The following SRGAP2 variants were observed in gnomAD, a reference collection of about 807,000 sequenced individuals.
SRGAP2 encodes SLIT-ROBO Rho GTPase activating protein 2, also known as SLIT-ROBO Rho GTPase-activating protein 2.
SRGAP2 carries 15 observed loss-of-function variants against 57.2 expected under a neutral mutation model. That is an observed-to-expected ratio of 0.26 (90% CI 0.18 to 0.40). The LOEUF is 0.40. Ranked by LOEUF, SRGAP2 falls within the 10% of genes least tolerant of loss-of-function variation. The pLI, the probability that SRGAP2 is intolerant of heterozygous loss-of-function variation, is 1.00. For synonymous variants in SRGAP2, 249 were observed against 248.0 expected (o/e 1.00, Z -0.04); for missense variants, 520 against 669.6 (o/e 0.78, Z 2.47).
intron 18 of SRGAP2, among the ~76,000 whole-genome samples, chr1:206,449,501 G>A (rs1663086348): frequency 6.7e-6 from 1 of 150,342 alleles, no homozygotes; most frequent in Non-Finnish European, 1.5e-5. Flanking sequence ...AGTTGCCCAG[G>A]CTGGTCCCAA....
At chr1:206,260,540 T>A (rs1669487045) in intron 2 of SRGAP2, among the ~76,000 whole-genome samples, 1 of 152,112 alleles carries the variant, frequency 6.6e-6, no homozygotes, top group African/African-American at 2.4e-5. Flanking sequence ...GATATGAACA[T>A]ATGTTCTTAC....
chr1:206,258,356 A>G (rs1553312891), intron 2 of SRGAP2, among the ~76,000 whole-genome samples: 2 of 152,208 alleles, frequency 1.3e-5, no homozygotes, highest in African/African-American at 4.8e-5. Flanking sequence ...TCTGGCCTTT[A>G]TAGAAAAAGT....
chr1:206,434,454 G>T (rs1661555195), intron 14 of SRGAP2, among the ~76,000 whole-genome samples: 3 of 152,212 alleles, frequency 2.0e-5, no homozygotes, highest in Non-Finnish European at 4.4e-5. Flanking sequence ...TTTCCAAATA[G>T]CTTAGTCCAA....
At chr1:206,275,663 G>A (rs1462083107) in intron 2 of SRGAP2, among the ~76,000 whole-genome samples, 3 of 146,620 alleles carry the variant, frequency 2.0e-5, no homozygotes, top group African/African-American at 7.6e-5. Context: ...TCACCAGGCT[G>A]GAGTGCAGTG....
At chr1:206,241,857 G>T (rs1553309261) in intron 2 of SRGAP2, among the ~76,000 whole-genome samples, 1 of 151,490 alleles carries the variant, frequency 6.6e-6, no homozygotes, top group South Asian at 2.1e-4. Flanking sequence ...GATTTAAAAG[G>T]TGACCCAAAT....
chr1:206,458,685 T>G lies in SRGAP2; in HGVS notation c.2570T>G (p.Leu857Arg), dbSNP rs781854281. ...ACTTTTCGGAGTGACAGCCATGGGCTGAGCAGTTCCCTGACTGACTCCTCC... is the reference window on the plus strand; with the variant it reads ...ACTTTTCGGAGTGACAGCCATGGGCGGAGCAGTTCCCTGACTGACTCCTCC... ...RKTFRSDSHG[L>R]SSSLTDSSSP... Residue 857 changes from leucine to arginine, a missense_variant, in exon 22 of 23, where the codon CTG (leucine) becomes CGG (arginine). By Grantham distance (102) the Leu-to-Arg change is moderately radical. Around this residue, in one of 5 missense-constraint regions of SRGAP2, gnomAD observed 478 missense variants for 373.6 expected, o/e 1.28. Coordinates refer to ENST00000573034, the MANE Select transcript of SRGAP2 (RefSeq NM_015326.5). The G allele has an allele frequency of 1.3e-6, 1 of 779,092 alleles. No homozygotes were observed. The highest frequency in any genetic ancestry group is 1.3e-5 in the South Asian group (1 of 74,172). The allele number at this position is 779,092 out of a possible 1,614,324, so 48.3% of individuals were successfully genotyped here. A position where few individuals can be genotyped will look rare whatever the true frequency, so the allele number is the denominator to read the frequency against.
At chr1:206,249,654 G>C (rs1329885733) in intron 2 of SRGAP2, among the ~76,000 whole-genome samples, 1 of 150,700 alleles carries the variant, frequency 6.6e-6, no homozygotes. Context: ...ATTATGGGTT[G>C]ATGGGGGCAG....
chr1:206,437,221 C>T (rs1391116394), intron 15 of SRGAP2, among the ~76,000 whole-genome samples, 179 bp downstream of exon 15: 1 of 152,192 alleles, frequency 6.6e-6, no homozygotes, highest in Non-Finnish European at 1.5e-5. Context: ...TACCAGGGCA[C>T]ATCCCAGTTT....
At chr1:206,423,482 AG>A (rs1660494250) in intron 13 of SRGAP2, among the ~76,000 whole-genome samples, 1 of 152,180 alleles carries the variant, frequency 6.6e-6, no homozygotes, top group Non-Finnish European at 1.5e-5. Context: ...CTTCAGCATC[AG>A]TCTCACCGTC....
At chr1:206,397,354 A>G (rs1657695911) in intron 7 of SRGAP2, among the ~76,000 whole-genome samples, 1 of 151,500 alleles carries the variant, frequency 6.6e-6, no homozygotes, top group Admixed American at 6.6e-5. Context: ...GGATATTGGC[A>G]TCCTGATCTT....
At chr1:206,354,528 T>C (rs1412403208) in intron 4 of SRGAP2, among the ~76,000 whole-genome samples, 2 of 152,212 alleles carry the variant, frequency 1.3e-5, no homozygotes, top group African/African-American at 4.8e-5. Context: ...CTGTTTGCCT[T>C]GGGCTGAGGG....
In SRGAP2 at chr1:206,299,783, T is replaced by C. The variant is rs1456139637; in HGVS notation, c.68-3498T>C. Among the ~76,000 whole-genome samples, 6 of 152,218 alleles carry C rather than the reference T, an allele frequency of 3.9e-5. 1 individual carries two copies. The highest frequency in any genetic ancestry group is 1.4e-4 in the African/African-American group (6 of 41,538). ...GATGGTAACAAGGGAGGCATCTTCT[T>C]CTTTCTGCTTCCTTTCTTCTTTTGC... On this transcript the variant is annotated intron_variant, in intron 2 of 22. Transcript: ENST00000573034.
chr1:206,302,176 A>G (rs1345915877), intron 2 of SRGAP2, among the ~76,000 whole-genome samples: 1 of 145,904 alleles, frequency 6.9e-6, no homozygotes, highest in Non-Finnish European at 1.5e-5. Context: ...AGGCTTGCAG[A>G]GGGAAAAGAT....
intron 3 of SRGAP2, among the ~76,000 whole-genome samples, chr1:206,318,501 A>G (rs1673211748): frequency 6.6e-6 from 1 of 152,238 alleles, no homozygotes; most frequent in Non-Finnish European, 1.5e-5. Context: ...ACAGAGTCCT[A>G]GATACATGTG....
chr1:206,414,029 CTTTCTTTTTT>C (rs1659452573), intron 10 of SRGAP2, among the ~76,000 whole-genome samples: 1 of 145,152 alleles, frequency 6.9e-6, no homozygotes, highest in African/African-American at 2.7e-5. Flanking sequence ...TTTTCTTTTT[CTTTCTTTTTT>C]TTTTTTTTTT....
At chr1:206,221,321 A>G (rs531495738) in intron 2 of SRGAP2, among the ~76,000 whole-genome samples, 22 of 151,292 alleles carry the variant, frequency 1.5e-4, no homozygotes, top group East Asian at 1.2e-3. Flanking sequence ...GCAGTCTATT[A>G]GAAATGTCTT....
intron 3 of SRGAP2, among the ~76,000 whole-genome samples, chr1:206,314,283 C>T (rs1346285919): frequency 3.3e-5 from 5 of 151,872 alleles, no homozygotes; most frequent in African/African-American, 7.3e-5. Flanking sequence ...TATAGGCATG[C>T]GCCACGACGC....
At chr1:206,248,727 C>T (rs1225175159) in intron 2 of SRGAP2, among the ~76,000 whole-genome samples, 1 of 151,540 alleles carries the variant, frequency 6.6e-6, no homozygotes, top group Admixed American at 6.6e-5. Flanking sequence ...TGCAGTAGTC[C>T]CAAGATTTTC....
At chr1:206,424,100 A>G (rs1660587066) in intron 13 of SRGAP2, among the ~76,000 whole-genome samples, 1 of 151,384 alleles carries the variant, frequency 6.6e-6, no homozygotes, top group African/African-American at 2.4e-5. Flanking sequence ...GCCCTTTCTG[A>G]TTGTTTTCTC....
Sources: gnomAD v4.1 joint callset for allele counts (sites outside exome capture counted in the v4.1 genomes callset) on GRCh38, gnomAD v4.1.1 for gene constraint, gnomAD v4.1.1 regional missense constraint, MANE v1.5 for transcripts, NCBI Gene and HGNC (gene_info 2026-07-23, HGNC 2026-07-21) for gene names.